NISCH: variants seen among roughly 807,000 people sequenced by gnomAD.
The protein encoded by NISCH is nischarin.
A neutral mutation model predicts 138.4 loss-of-function variants in NISCH; 55 were observed. The ratio of observed to expected loss-of-function variants is 0.40; its 90% CI spans 0.32 to 0.50. The LOEUF is 0.50. Ranked by LOEUF, NISCH falls within the 20% of genes least tolerant of loss-of-function variation. NISCH has a pLI of 0.71. For missense variants in NISCH, 1,643 were observed against 2,005.5 expected, an observed-to-expected ratio of 0.82 and a Z score of 3.45; for synonymous variants, 860 against 861.5, an observed-to-expected ratio of 1.00 and a Z score of 0.03.
Position 52,471,825 on chromosome 3 carries a change from C to G in NISCH, c.421C>G (p.Leu141Val). The G allele has an allele frequency of 6.2e-7, 1 of 1,614,002 alleles. No homozygotes were observed. Among genetic ancestry groups the G allele is most frequent in the Non-Finnish European group, 8.5e-7 (1 of 1,179,980 alleles). The change falls in exon 5 of 21, where the codon CTG becomes GTG. Residue 141 changes from leucine to valine, a missense_variant. Leu to Val is a conservative substitution (Grantham distance 32, BLOSUM62 1). Transcript: ENST00000345716. ...CATGGCTCTTGCAGGAGAACAGCTC[C>G]TGGGGGCCGGCGAGGTCTTTGCCAT... ...EELFEKGEQL[L>V]GAGEVFAIGP...
At chr3:52,462,028 G>A (rs1274357667) in intron 3 of NISCH, among the ~76,000 whole-genome samples, 1 of 152,148 alleles carries the variant, frequency 6.6e-6, no homozygotes, top group African/African-American at 2.4e-5. Flanking sequence ...TGGCTCTGAG[G>A]GTGGAAAGGC....
intron 5 of NISCH, 25 bp from the exon 6 acceptor site, chr3:52,472,278 A>G (rs774284031): frequency 1.9e-6 from 3 of 1,609,976 alleles, no homozygotes; most frequent in African/African-American, 1.3e-5. Context: ...ACTGTTCCCA[A>G]TTTAAGCCTT....
chr3:52,491,326 G>C, intron 19 of NISCH, 26 bp from the exon 20 acceptor site: 1 of 1,598,966 alleles, frequency 6.3e-7, no homozygotes, highest in Non-Finnish European at 8.5e-7. Flanking sequence ...CCGGCCTGTG[G>C]CCCTGACCAG....
chr3:52,491,298 G>A, intron 19 of NISCH, 54 bp from the exon 20 acceptor site: 1 of 1,569,776 alleles, frequency 6.4e-7, no homozygotes, highest in Non-Finnish European at 8.6e-7. Flanking sequence ...TAAGGGGCAG[G>A]GATAGGGCTG....
In NISCH at chr3:52,471,031, T is replaced by C. The variant is rs1706931490; in HGVS notation, c.409+124T>C. The stretch of plus-strand genomic sequence containing the variant: ...CCTACCTCCCCTGTAGGTGGCCAGG[T>C]CTGAGGAGCTGTGGTCCTTCAGTAC... On this transcript the variant is annotated intron_variant, in intron 4 of 20. Transcript: ENST00000345716. The C allele has an allele frequency of 3.3e-6, 3 of 905,100 alleles. No homozygotes were observed. In the East Asian group the frequency reaches 7.2e-5, roughly 22 times the overall value. The allele number at this position is 905,100 out of a possible 1,614,324, so 56.1% of individuals were successfully genotyped here.
At chr3:52,485,949 A>G (rs965924428) in intron 15 of NISCH, 122 bp downstream of exon 15, 1 of 836,616 alleles carries the variant, frequency 1.2e-6, no homozygotes, top group African/African-American at 1.7e-5. Context: ...GGCCTATAGA[A>G]CTATTTCTTC....
At chr3:52,461,659 C>T (rs1299619651) in intron 3 of NISCH, among the ~76,000 whole-genome samples, 4 of 151,966 alleles carry the variant, frequency 2.6e-5, no homozygotes, top group Admixed American at 6.6e-5. Context: ...GTCAGGAGAT[C>T]GAGACCATCC....
chr3:52,461,747 T>C lies in NISCH; in HGVS notation c.360+2903T>C, dbSNP rs987813623. ...GCATGGTGGTGGGCTCCTGTAGTCC[T>C]AGCTACTCGGGAGGCTGAGGCAGGA... On this transcript the variant is annotated intron_variant, in intron 3 of 20. Transcript: ENST00000345716. Among the ~76,000 whole-genome samples, 37 of 151,054 alleles carry C rather than the reference T, an allele frequency of 2.4e-4. No individual in the cohort carries two copies. The East Asian group carries it at 5.3e-3, about 22-fold the overall frequency.
intron 7 of NISCH, among the ~76,000 whole-genome samples, chr3:52,475,153 T>C: frequency 6.6e-6 from 1 of 151,452 alleles, no homozygotes. Flanking sequence ...GCCTAGGAGT[T>C]GGAGACCAAC....
chr3:52,488,734 C>T (rs964811255), intron 16 of NISCH, 129 bp downstream of exon 16: 20 of 764,984 alleles, frequency 2.6e-5, no homozygotes, highest in Admixed American at 5.8e-5. Context: ...CTGCCCCTCG[C>T]CCCCCCCGGG....
chr3:52,477,660 C>A lies in NISCH; in HGVS notation c.987+18C>A. 6.2e-7 allele frequency: 1 copy of A among 1,601,730 alleles called. No individual in the cohort carries two copies. The highest frequency in any genetic ancestry group is 8.6e-7 in the Non-Finnish European group (1 of 1,168,716). On this transcript the variant is annotated intron_variant, in intron 9 of 20. Transcript: ENST00000345716. ...ATCTGCAGGTAGTGCCTTTGGAGAC[C>A]AGTGCTGCCCGCACACACTCCCAAG...
At position 52,477,822 on chromosome 3, in the gene NISCH, A is replaced by C. The variant is rs949223813; in HGVS notation, c.987+180A>C. The C allele has an allele frequency of 7.8e-6, 5 of 637,386 alleles. No homozygotes were observed. In the African/African-American group the frequency reaches 9.1e-5, roughly 12 times the overall value. The allele number at this position is 637,386 out of a possible 1,614,324, so 39.5% of individuals were successfully genotyped here. ...GTTGCTCTAGTTCCAAAGAATTAGG[A>C]AGCATGAGTAAATACAAACCAGGCA... On this transcript the variant is annotated intron_variant, in intron 9 of 20. Transcript: ENST00000345716.
At chr3:52,489,944 C>A in intron 17 of NISCH, 131 bp from the exon 18 acceptor site, 2 of 1,331,384 alleles carry the variant, frequency 1.5e-6, no homozygotes, top group Non-Finnish European at 2.1e-6. Flanking sequence ...TTCCTCTCTG[C>A]CTTGAAGCAT....
chr3:52,492,599 T>G lies in NISCH; in HGVS notation c.*117T>G. ...CTTTGGTACCTTAATTTGACTGTCCTCGCAGAGAATGTGAACATGTGTGTG... is the reference window on the plus strand; with the variant it reads ...CTTTGGTACCTTAATTTGACTGTCCGCGCAGAGAATGTGAACATGTGTGTG... On this transcript the variant is annotated 3_prime_UTR_variant, in exon 21 of 21. Transcript: ENST00000345716. 1 of 1,218,974 alleles carries G rather than the reference T, an allele frequency of 8.2e-7. No individual in the cohort carries two copies. Among genetic ancestry groups the G allele is most frequent in the Non-Finnish European group, 1.1e-6 (1 of 901,420 alleles). 75.5% of individuals were successfully genotyped at this position (1,218,974 alleles called of 1,614,324 possible).
chr3:52,479,515 C>T (rs1405775931), intron 11 of NISCH, among the ~76,000 whole-genome samples: 1 of 152,168 alleles, frequency 6.6e-6, no homozygotes. Flanking sequence ...CCAAGGCATT[C>T]CCAGGTCACT....
rs750672414 is a variant in NISCH at position 52,487,168 on chromosome 3, G to T, written c.1704-28G>T. Reference sequence around the variant, plus strand: ...AGGTGGGAGGGGCCCCTCCCAGCATGCCACTGACCTGGCCTCTCCCTGCAC... The same window carrying T: ...AGGTGGGAGGGGCCCCTCCCAGCATTCCACTGACCTGGCCTCTCCCTGCAC... On this transcript the variant is annotated intron_variant, in intron 15 of 20. Transcript: ENST00000345716. This position sits in a 1 kb window ranked among gnomAD's most constrained non-coding sequence, Gnocchi z 9.1. 4.0e-5 allele frequency: 64 copies of T among 1,587,402 alleles called. No individual in the cohort carries two copies. Among genetic ancestry groups the T allele is most frequent in the Non-Finnish European group, 7.7e-6 (9 of 1,163,298 alleles).
chr3:52,463,268 A>C (rs1185186571), intron 3 of NISCH, among the ~76,000 whole-genome samples: 1 of 152,250 alleles, frequency 6.6e-6, no homozygotes, highest in African/African-American at 2.4e-5. Flanking sequence ...AGGTCCGTTC[A>C]TATTGTAGCA....
intron 13 of NISCH, among the ~76,000 whole-genome samples, chr3:52,482,474 G>A (rs962461854): frequency 3.9e-5 from 6 of 152,166 alleles, no homozygotes; most frequent in Non-Finnish European, 8.8e-5. Context: ...GCCAGGGCTC[G>A]GTCAGCTGAG....
chr3:52,467,017 TGAGAC>T (rs1706800412), intron 3 of NISCH, among the ~76,000 whole-genome samples: 1 of 149,678 alleles, frequency 6.7e-6, no homozygotes. Flanking sequence ...TTTTTTTTTT[TGAGAC>T]AGAGTCTCAC....
Sources: allele counts gnomAD v4.1 joint callset (sites outside exome capture counted in the v4.1 genomes callset), GRCh38; gene constraint gnomAD v4.1.1; non-coding constraint Gnocchi (gnomAD v3.1); transcripts MANE v1.5; gene names NCBI Gene and HGNC (gene_info 2026-07-23, HGNC 2026-07-21).